COMMD1: variants seen among roughly 807,000 people sequenced by gnomAD.
COMMD1 encodes the protein COMM domain-containing protein 1.
In COMMD1, 10 loss-of-function variants were observed where a neutral mutation model predicts 17.2. The ratio of observed to expected loss-of-function variants is 0.58; its 90% CI spans 0.36 to 0.99. COMMD1 has a LOEUF of 0.99. Ranked by LOEUF, COMMD1 falls within the 50% of genes least tolerant of loss-of-function variation. The pLI is 0.01. For synonymous variants in COMMD1, 97 were observed against 91.6 expected (o/e 1.06, Z -0.34); for missense variants, 270 against 231.8 (o/e 1.17, Z -1.07).
intron 2 of COMMD1, among the ~76,000 whole-genome samples, chr2:62,087,574 C>T (rs1300528078): frequency 2.6e-5 from 4 of 152,086 alleles, no homozygotes; most frequent in Admixed American, 2.6e-4. Flanking sequence ...GACGAAACCC[C>T]GTCTCTACTA....
intron 1 of COMMD1, among the ~76,000 whole-genome samples, chr2:61,971,998 C>A (rs1037648921): frequency 6.6e-6 from 1 of 152,052 alleles, no homozygotes; most frequent in East Asian, 1.9e-4. Flanking sequence ...TGGCACATGT[C>A]TTTAGTTCCA....
At chr2:61,984,241 G>A (rs960898690) in intron 1 of COMMD1, among the ~76,000 whole-genome samples, 1 of 152,188 alleles carries the variant, frequency 6.6e-6, no homozygotes, top group Non-Finnish European at 1.5e-5. Flanking sequence ...GGCCAGGTTG[G>A]TCTCGAACTC....
chr2:61,968,017 C>T (rs184592793), intron 1 of COMMD1, among the ~76,000 whole-genome samples: 450 of 152,062 alleles, frequency 3.0e-3, no homozygotes, highest in African/African-American at 9.9e-3. Context: ...AAAAATTAGC[C>T]GGGCGTGGTG....
rs113667672 is a variant in COMMD1 at position 62,093,611 on chromosome 2, G to A, written c.463-42220G>A. 3.2e-3 allele frequency among the ~76,000 whole-genome samples: 489 copies of A among 152,292 alleles called. 5 individuals are homozygous for A. The highest frequency in any genetic ancestry group is 0.011 in the African/African-American group (477 of 41,560). ...TTTGTAGGACGAAAGGTACATTGCC[G>A]TACAGGACAGGCCATCTTTCCTAGG... On this transcript the variant is annotated intron_variant, in intron 2 of 2. Coordinates refer to ENST00000311832, the MANE Select transcript of COMMD1 (RefSeq NM_152516.4).
At chr2:61,929,932 A>G (rs1056408714) in intron 1 of COMMD1, among the ~76,000 whole-genome samples, 12 of 142,450 alleles carry the variant, frequency 8.4e-5, no homozygotes, top group African/African-American at 3.2e-4. Context: ...ACCCTGTCTC[A>G]AAAAAAAAAA....
intron 2 of COMMD1, among the ~76,000 whole-genome samples, chr2:62,058,352 A>G (rs138605384): frequency 8.3e-4 from 126 of 152,292 alleles, no homozygotes; most frequent in African/African-American, 2.8e-3. Flanking sequence ...TTTTTAAAAA[A>G]TCTGTTTCTC....
intron 2 of COMMD1, among the ~76,000 whole-genome samples, chr2:62,128,335 G>GAAAAAAAAAA (rs55646038): frequency 8.1e-6 from 1 of 124,132 alleles, no homozygotes. Context: ...CTAAAAAAAA[G>GAAAAAAAAAA]AAAAAAAAAA....
intron 2 of COMMD1, among the ~76,000 whole-genome samples, chr2:62,097,122 G>C (rs979716326): frequency 1.3e-5 from 2 of 152,290 alleles, no homozygotes; most frequent in Middle Eastern, 6.8e-3. Flanking sequence ...AGTAAGGTGT[G>C]GGGGTTAGGA....
chr2:62,061,861 C>G (rs1670869869), intron 2 of COMMD1, among the ~76,000 whole-genome samples: 1 of 151,744 alleles, frequency 6.6e-6, no homozygotes, highest in African/African-American at 2.4e-5. Flanking sequence ...AACCTTGTAT[C>G]AACTTAGTTT....
At chr2:61,937,953 C>A (rs571901962) in intron 1 of COMMD1, among the ~76,000 whole-genome samples, 1 of 152,270 alleles carries the variant, frequency 6.6e-6, no homozygotes, top group African/African-American at 2.4e-5. Context: ...CTCGCCCTTA[C>A]ACTCTCATGC....
intron 2 of COMMD1, among the ~76,000 whole-genome samples, chr2:62,108,945 T>C (rs554761690): frequency 7.2e-5 from 11 of 152,206 alleles, no homozygotes; most frequent in Non-Finnish European, 1.0e-4. Context: ...TGAGAAGTTA[T>C]TATCCCTTTA....
chr2:62,119,470 C>G (rs1672688304), intron 2 of COMMD1, among the ~76,000 whole-genome samples: 1 of 152,090 alleles, frequency 6.6e-6, no homozygotes, highest in African/African-American at 2.4e-5. Context: ...CAACTCCACC[C>G]CAGCCAAAAA....
intron 1 of COMMD1, among the ~76,000 whole-genome samples, chr2:61,947,626 T>A (rs1222482107): frequency 1.3e-5 from 2 of 151,838 alleles, no homozygotes; most frequent in Non-Finnish European, 2.9e-5. Flanking sequence ...GAGGTTGCAA[T>A]GAGCCAAGAT....
intron 2 of COMMD1, chr2:62,090,800 A>G (rs986385102): frequency 6.6e-6 from 1 of 152,208 alleles, no homozygotes; most frequent in Non-Finnish European, 1.5e-5. Flanking sequence ...TGTTTTCACA[A>G]TCTGAAAGGG....
At chr2:62,017,622 A>G (rs1271227113) in intron 2 of COMMD1, among the ~76,000 whole-genome samples, 2 of 152,008 alleles carry the variant, frequency 1.3e-5, no homozygotes, top group Non-Finnish European at 2.9e-5. Flanking sequence ...GTGAGCTGTG[A>G]TCATGCCACT....
In COMMD1 at chr2:61,961,787, C is replaced by G. The variant is rs371435734; in HGVS notation, c.181-38914C>G. On this transcript the variant is annotated intron_variant, in intron 1 of 2. Transcript: ENST00000311832. ...ATCATTATAGAAATTTTCTCAACTA[C>G]CCTGCTGTGTTAATTTTTCATTTCT... 4.0e-5 allele frequency among the ~76,000 whole-genome samples: 6 copies of G among 151,860 alleles called. No homozygotes were observed. In the East Asian group the frequency reaches 7.7e-4, roughly 20 times the overall value.
intron 1 of COMMD1, among the ~76,000 whole-genome samples, chr2:61,891,325 A>T (rs552223904): frequency 6.6e-6 from 1 of 152,338 alleles, no homozygotes; most frequent in Admixed American, 6.5e-5. Context: ...TTTTTCTGTG[A>T]AATTGGAATT....
intron 1 of COMMD1, among the ~76,000 whole-genome samples, chr2:61,889,776 C>G (rs905016808): frequency 7.2e-5 from 11 of 152,150 alleles, no homozygotes; most frequent in Non-Finnish European, 1.5e-4. Context: ...CCCGCTTGTT[C>G]TACACTAGTG....
chr2:62,115,492 T>A (rs1349743826), intron 2 of COMMD1, among the ~76,000 whole-genome samples: 1 of 152,204 alleles, frequency 6.6e-6, no homozygotes, highest in Non-Finnish European at 1.5e-5. Flanking sequence ...AATAATAGTG[T>A]GAGTAAAAGA....
Sources: allele counts gnomAD v4.1 joint callset (sites outside exome capture counted in the v4.1 genomes callset), GRCh38; gene constraint gnomAD v4.1.1; transcripts MANE v1.5; gene names NCBI Gene and HGNC (gene_info 2026-07-23, HGNC 2026-07-21).